LSM12: variants seen among roughly 807,000 people sequenced by gnomAD.
LSM12 encodes the protein protein LSM12.
For synonymous variants in LSM12, 74 were observed against 87.3 expected (o/e 0.85, Z 0.85); for missense variants, 108 against 238.9 (o/e 0.45, Z 3.61).
intron 2 of LSM12, among the ~76,000 whole-genome samples, chr17:44,058,974 A>G (rs1228682373): frequency 6.6e-6 from 1 of 152,162 alleles, no homozygotes; most frequent in East Asian, 1.9e-4. Flanking sequence ...TTTGCACTCC[A>G]GCCTGGGCAC....
chr17:44,037,124 T>A, intron 4 of LSM12: 1 of 262,992 alleles, frequency 3.8e-6, no homozygotes, highest in Non-Finnish European at 7.1e-6. Flanking sequence ...AAACTCAATA[T>A]GGGATGAGAG....
intron 3 of LSM12, among the ~76,000 whole-genome samples, chr17:44,039,077 C>T (rs554138065): frequency 1.3e-4 from 20 of 152,048 alleles, no homozygotes; most frequent in African/African-American, 3.1e-4. Context: ...TTTTTTGAGA[C>T]GGAGTTTTGC....
At chr17:44,056,238 T>C (rs2049712281) in intron 2 of LSM12, among the ~76,000 whole-genome samples, 1 of 148,716 alleles carries the variant, frequency 6.7e-6, no homozygotes, top group Non-Finnish European at 1.5e-5. Flanking sequence ...GAGGTTGTGG[T>C]GAGCCGAGAT....
At chr17:44,060,699 T>C (rs1567962608) in intron 2 of LSM12, among the ~76,000 whole-genome samples, 1 of 152,204 alleles carries the variant, frequency 6.6e-6, no homozygotes, top group Non-Finnish European at 1.5e-5. Context: ...CCTCAAAAAC[T>C]GGGTAATCAG....
chr17:44,051,808 C>T (rs571082432), intron 2 of LSM12, among the ~76,000 whole-genome samples: 29 of 151,778 alleles, frequency 1.9e-4, no homozygotes, highest in Non-Finnish European at 3.7e-4. Flanking sequence ...GCCCCTGACT[C>T]TACCAAAAAA....
intron 2 of LSM12, among the ~76,000 whole-genome samples, chr17:44,061,808 A>G (rs928796808): frequency 3.3e-5 from 5 of 152,356 alleles, no homozygotes; most frequent in Non-Finnish European, 7.3e-5. Context: ...GAGGCATCTT[A>G]TTCATCCAAC....
chr17:44,041,336 C>CAA (rs1468115519), intron 2 of LSM12, among the ~76,000 whole-genome samples: 22 of 144,498 alleles, frequency 1.5e-4, no homozygotes, highest in South Asian at 6.7e-4. Flanking sequence ...CACACACAAA[C>CAA]ACACACACAC....
chr17:44,064,129 T>C (rs2049836588), intron 1 of LSM12, among the ~76,000 whole-genome samples, 195 bp from the exon 2 acceptor site: 1 of 152,184 alleles, frequency 6.6e-6, no homozygotes, highest in African/African-American at 2.4e-5. Flanking sequence ...CCTTGGAAGC[T>C]TCCAAAGGAG....
intron 2 of LSM12, among the ~76,000 whole-genome samples, chr17:44,044,298 A>C (rs534353122): frequency 6.6e-6 from 1 of 152,330 alleles, no homozygotes; most frequent in South Asian, 2.1e-4. Context: ...AGGCTGAGTA[A>C]CAATGACACA....
chr17:44,041,302 C>CACACACACACACACACACACACACAA (rs2049488262), intron 2 of LSM12, among the ~76,000 whole-genome samples: 1 of 127,420 alleles, frequency 7.8e-6, no homozygotes, highest in Non-Finnish European at 1.7e-5. Flanking sequence ...CACACACACA[C>CACACACACACACACACACACACACAA]ACACACACAC....
At chr17:44,038,034 G>A (rs1308153875) in intron 3 of LSM12, among the ~76,000 whole-genome samples, 2 of 152,120 alleles carry the variant, frequency 1.3e-5, no homozygotes, top group African/African-American at 4.8e-5. Flanking sequence ...TTGGCCTAGG[G>A]AGAAATACCA....
intron 1 of LSM12, 48 bp downstream of exon 1, chr17:44,066,416 C>A (rs1345299851): frequency 6.7e-7 from 1 of 1,502,054 alleles, no homozygotes; most frequent in Admixed American, 2.1e-5. Flanking sequence ...CCCCGACCAC[C>A]GCACCTACAC....
chr17:44,065,777 C>G (rs1264907338), intron 1 of LSM12, among the ~76,000 whole-genome samples: 1 of 152,156 alleles, frequency 6.6e-6, no homozygotes, highest in Non-Finnish European at 1.5e-5. Context: ...AAGCCCCTGG[C>G]AAGCCCTCTC....
At chr17:44,039,909 TAA>T (rs1197803464) in intron 3 of LSM12, among the ~76,000 whole-genome samples, 1 of 152,180 alleles carries the variant, frequency 6.6e-6, no homozygotes, top group Non-Finnish European at 1.5e-5. Context: ...AATCCAAAAC[TAA>T]GTTTTACAGA....
In LSM12 at chr17:44,036,072, G is replaced by T. The variant is rs2049412060; in HGVS notation, c.*136C>A. On this transcript the variant is annotated 3_prime_UTR_variant, in exon 5 of 5. Transcript: ENST00000293406. ...GGGTGTTTTGTTTGTTCAAGTCTAA[G>T]ATTTGGAAATGCTGACCCTTTGTTA... 1 of 669,726 alleles carries T rather than the reference G, an allele frequency of 1.5e-6. No individual in the cohort carries two copies. Among genetic ancestry groups the T allele is most frequent in the Non-Finnish European group, 2.5e-6 (1 of 405,604 alleles). The allele number at this position is 669,726 out of a possible 1,614,324, so 41.5% of individuals were successfully genotyped here. A position where few individuals can be genotyped will look rare whatever the true frequency, so the allele number is the denominator to read the frequency against.
rs1597886871 is a variant in LSM12 at position 44,045,935 on chromosome 17, A to ATTTT, written c.259-5680_259-5679insAAAA. Reference sequence around the variant, plus strand: ...GTGTATGTAAAAGTAAAAATATTTTACTTTTTTTTTTTTTTTTTTGAGACG... The same window carrying ATTTT: ...GTGTATGTAAAAGTAAAAATATTTTATTTTCTTTTTTTTTTTTTTTTTTGAGACG... On this transcript the variant is annotated intron_variant, in intron 2 of 4. Transcript: ENST00000293406. Among the ~76,000 whole-genome samples the ATTTT allele has an allele frequency of 1.3e-4, 12 of 89,640 alleles. No individual in the cohort carries two copies. In the East Asian group the frequency reaches 4.4e-3, roughly 33 times the overall value. 58.8% of individuals were successfully genotyped at this position (89,640 alleles called of 152,430 possible). A position where few individuals can be genotyped will look rare whatever the true frequency, so the allele number is the denominator to read the frequency against.
At position 44,053,164 on chromosome 17, in the gene LSM12, C is replaced by T. The variant is rs577055788; in HGVS notation, c.258+10637G>A. 2.0e-5 allele frequency among the ~76,000 whole-genome samples: 3 copies of T among 152,234 alleles called. No homozygotes were observed. The South Asian group carries it at 6.2e-4, about 32-fold the overall frequency. On this transcript the variant is annotated intron_variant, in intron 2 of 4. Coordinates refer to ENST00000293406, the MANE Select transcript of LSM12 (RefSeq NM_001371445.1). Reference sequence around the variant, plus strand: ...CATCTGAAGTGTCTTCCCTAAAATGCTCACTACTCTATACCAAGGGTTGGC... The same window carrying T: ...CATCTGAAGTGTCTTCCCTAAAATGTTCACTACTCTATACCAAGGGTTGGC...
rs758214554 is a variant in LSM12, at chr17:44,066,607, CCGGCGGCGG to C, written c.-29_-21del. 1 of 1,338,584 alleles carries C rather than the reference CCGGCGGCGG, an allele frequency of 7.5e-7. No homozygotes were observed. The allele number at this position is 1,338,584 out of a possible 1,614,324, so 82.9% of individuals were successfully genotyped here. Reference sequence around the variant, plus strand: ...CGCCATCTTGGGAGTGCAGCCGCGGCCGGCGGCGGCGGCGGCAGCAGCGGGCGAAAGCCG... The same window carrying C: ...CGCCATCTTGGGAGTGCAGCCGCGGCCGGCGGCAGCAGCGGGCGAAAGCCG... On this transcript the variant is annotated 5_prime_UTR_variant, in exon 1 of 5. Transcript: ENST00000293406.
chr17:44,039,212 G>A (rs981271216), intron 3 of LSM12, among the ~76,000 whole-genome samples: 8 of 151,876 alleles, frequency 5.3e-5, no homozygotes, highest in South Asian at 2.1e-4. Context: ...GCACCACCAC[G>A]CCTGGCTAAT....
Sources: allele counts gnomAD v4.1 joint callset (sites outside exome capture counted in the v4.1 genomes callset), GRCh38; gene constraint gnomAD v4.1.1; transcripts MANE v1.5; gene names NCBI Gene and HGNC (gene_info 2026-07-23, HGNC 2026-07-21).